The following ABLIM1 variants were observed in gnomAD, a reference collection of about 807,000 sequenced individuals.
ABLIM1 encodes the protein actin binding LIM protein 1.
A neutral mutation model predicts 107.0 loss-of-function variants in ABLIM1; 40 were observed. That is an observed-to-expected ratio of 0.37 (90% CI 0.29 to 0.49). The LOEUF (loss-of-function observed/expected upper bound fraction) is 0.49. Ranked by LOEUF, ABLIM1 falls within the 20% of genes least tolerant of loss-of-function variation. ABLIM1 has a pLI of 0.97. For synonymous variants in ABLIM1, 357 were observed against 357.3 expected (o/e 1.00, Z 0.01); for missense variants, 857 against 1,008.5 (o/e 0.85, Z 2.04).
chr10:114,654,994 G>A (rs1478204673), intron 1 of ABLIM1, among the ~76,000 whole-genome samples: 3 of 152,102 alleles, frequency 2.0e-5, no homozygotes, highest in Admixed American at 2.0e-4. Flanking sequence ...ACTGCTTTGG[G>A]TGACTCAAAT....
At chr10:114,658,437 C>A, upstream of ABLIM1, 1 of 569,374 alleles carries the variant, frequency 1.8e-6, no homozygotes. Context: ...CTTTCAGTCT[C>A]AGACATGAAT....
chr10:114,517,143 A>T (rs1306929904), intron 6 of ABLIM1, among the ~76,000 whole-genome samples: 2 of 152,216 alleles, frequency 1.3e-5, no homozygotes, highest in East Asian at 3.8e-4. Flanking sequence ...GCATGGGCTG[A>T]GTTGAACTGT....
intron 1 of ABLIM1, among the ~76,000 whole-genome samples, chr10:114,730,160 G>A (rs1419108419): frequency 6.6e-6 from 1 of 152,046 alleles, no homozygotes; most frequent in East Asian, 1.9e-4. Context: ...CACTTTGGGA[G>A]GCCAAAGCAG....
At chr10:114,444,591 T>C (rs1208581640) in intron 16 of ABLIM1, among the ~76,000 whole-genome samples, 1 of 152,110 alleles carries the variant, frequency 6.6e-6, no homozygotes, top group African/African-American at 2.4e-5. Flanking sequence ...ACCCATAATA[T>C]GTCACTCAGA....
chr10:114,620,151 A>G (rs944596295), intron 1 of ABLIM1, among the ~76,000 whole-genome samples: 1 of 152,260 alleles, frequency 6.6e-6, no homozygotes, highest in Admixed American at 6.5e-5. Context: ...AACCACTGGA[A>G]CATAAAATAA....
chr10:114,648,873 G>A (rs2079117319), intron 1 of ABLIM1, among the ~76,000 whole-genome samples: 1 of 152,108 alleles, frequency 6.6e-6, no homozygotes, highest in Admixed American at 6.5e-5. Context: ...GTGGTACACA[G>A]CAGAGCCCAA....
intron 12 of ABLIM1, 141 bp downstream of exon 12, chr10:114,465,557 G>T: frequency 1.0e-6 from 1 of 963,376 alleles, no homozygotes; most frequent in Non-Finnish European, 1.5e-6. Flanking sequence ...AAATATAGTT[G>T]GATACCAGTT....
chr10:114,527,656 T>C (rs1349427614), intron 6 of ABLIM1, among the ~76,000 whole-genome samples: 1 of 131,348 alleles, frequency 7.6e-6, no homozygotes, highest in Non-Finnish European at 1.5e-5. Context: ...TAACAACTCT[T>C]GTCTTTTTTT....
intron 8 of ABLIM1, among the ~76,000 whole-genome samples, chr10:114,477,219 G>C (rs748681984): frequency 1.3e-5 from 2 of 152,186 alleles, no homozygotes; most frequent in Non-Finnish European, 2.9e-5. Flanking sequence ...GACAAATGGG[G>C]TGAAACTAAA....
chr10:114,684,354 G>A, exon 1 of ABLIM1: 1 of 1,614,022 alleles, frequency 6.2e-7, no homozygotes, highest in Admixed American at 1.7e-5. Flanking sequence ...TCATTAACAT[G>A]CACAAAGCTC....
chr10:114,798,005 T>A, the ABLIM1 span, among the ~76,000 whole-genome samples: 3 of 152,366 alleles, frequency 2.0e-5, no homozygotes, highest in East Asian at 5.8e-4. Context: ...AATAAATTAC[T>A]TATTTGCTAT....
the ABLIM1 span, among the ~76,000 whole-genome samples, chr10:114,794,700 C>T: frequency 2.0e-5 from 3 of 152,124 alleles, no homozygotes; most frequent in African/African-American, 7.2e-5. Context: ...AGTACTTTAT[C>T]TAAAGCAAGC....
At chr10:114,687,793 A>G (rs2080977734), upstream of ABLIM1, among the ~76,000 whole-genome samples, 1 of 152,228 alleles carries the variant, frequency 6.6e-6, no homozygotes, top group Non-Finnish European at 1.5e-5. Flanking sequence ...TTCCACATGA[A>G]AAATGATTCC....
At chr10:114,752,050 A>G (rs1268327619) in intron 1 of ABLIM1, among the ~76,000 whole-genome samples, 1 of 152,238 alleles carries the variant, frequency 6.6e-6, no homozygotes, top group African/African-American at 2.4e-5. Flanking sequence ...AGAGGCTGCC[A>G]GTCTCTCTCC....
chr10:114,656,986 A>G (rs2079554624), intron 1 of ABLIM1, among the ~76,000 whole-genome samples: 1 of 152,228 alleles, frequency 6.6e-6, no homozygotes, highest in Non-Finnish European at 1.5e-5. Flanking sequence ...GAGGCAATGA[A>G]AATATATATG....
chr10:114,661,069 A>G (rs1036108435), upstream of ABLIM1, among the ~76,000 whole-genome samples: 8 of 152,140 alleles, frequency 5.3e-5, no homozygotes, highest in African/African-American at 1.9e-4. Flanking sequence ...AGATCCATAT[A>G]TTTAGTTCAA....
chr10:114,767,074 TTACTC>T (rs1190797261), intron 1 of ABLIM1, among the ~76,000 whole-genome samples: 2 of 152,088 alleles, frequency 1.3e-5, no homozygotes, highest in Non-Finnish European at 2.9e-5. Context: ...TGGATAGAGA[TTACTC>T]TATTCATTAT....
chr10:114,469,485 A>G (rs557103169), intron 10 of ABLIM1, among the ~76,000 whole-genome samples: 5 of 152,212 alleles, frequency 3.3e-5, no homozygotes, highest in Non-Finnish European at 5.9e-5. Flanking sequence ...TTTCACCCAG[A>G]CACCTGCAGG....
chr10:114,556,930 G>A (rs960653981), intron 4 of ABLIM1, among the ~76,000 whole-genome samples: 8 of 152,118 alleles, frequency 5.3e-5, no homozygotes, highest in East Asian at 1.9e-4. Context: ...ATGTGAAACC[G>A]CAAATTTGTT....
Sources: gnomAD v4.1 joint callset for allele counts (sites outside exome capture counted in the v4.1 genomes callset) on GRCh38, gnomAD v4.1.1 for gene constraint, MANE v1.5 for transcripts, NCBI Gene and HGNC (gene_info 2026-07-23, HGNC 2026-07-21) for gene names.